KCNMA1: variants seen among roughly 807,000 people sequenced by gnomAD.
The protein encoded by KCNMA1 is potassium calcium-activated channel subfamily M alpha 1.
A neutral mutation model predicts 140.0 loss-of-function variants in KCNMA1; 29 were observed. The ratio of observed to expected loss-of-function variants is 0.21; its 90% CI spans 0.15 to 0.28. The LOEUF is 0.28. Among genes scored for constraint, KCNMA1 ranks in the 10% least tolerant of loss-of-function variants. The pLI, the probability that KCNMA1 is intolerant of heterozygous loss-of-function variation, is 1.00. For missense variants in KCNMA1, 880 were observed against 1,602.2 expected (o/e 0.55, Z 7.70); for synonymous variants, 612 against 611.9 (o/e 1.00, Z 0.00).
At chr10:76,890,456 A>G (rs2039482618) in intron 26 of KCNMA1, among the ~76,000 whole-genome samples, 1 of 152,212 alleles carries the variant, frequency 6.6e-6, no homozygotes, top group South Asian at 2.1e-4. Flanking sequence ...TCTTTATCCT[A>G]ATCAAGTGCA....
At chr10:77,215,906 C>CCTATCT in intron 3 of KCNMA1, among the ~76,000 whole-genome samples, 1 of 139,102 alleles carries the variant, frequency 7.2e-6, no homozygotes, top group African/African-American at 2.7e-5. Context: ...TCTCCTCTCT[C>CCTATCT]CTCTCTCTCT....
At chr10:77,634,780 A>AAC (rs57378692) in intron 1 of KCNMA1, 8,324 of 153,956 alleles carry the variant, frequency 0.054, 219 homozygotes, top group East Asian at 0.12. Flanking sequence ...AAAAAAGACA[A>AAC]ACACACACAC....
At chr10:77,634,113 C>A in intron 1 of KCNMA1, 1 of 980,926 alleles carries the variant, frequency 1.0e-6, no homozygotes. Flanking sequence ...GGTTAAATAA[C>A]TTCTTCAAAG....
rs559684668 is a variant in KCNMA1 at position 77,143,887 on chromosome 10, T to C, written c.809-22839A>G. On this transcript the variant is annotated intron_variant, in intron 5 of 27. Coordinates refer to ENST00000286628, the MANE Select transcript of KCNMA1 (RefSeq NM_001161352.2). The stretch of plus-strand genomic sequence containing the variant: ...AACTACAACAAGATGGCACCACAAA[T>C]CCATTAGAATGGCTAAAATTTAAAA... Among the ~76,000 whole-genome samples, 4 of 152,172 alleles carry C rather than the reference T, an allele frequency of 2.6e-5. No homozygotes were observed. In the South Asian group the frequency reaches 8.3e-4, roughly 32 times the overall value.
At chr10:77,096,449 A>G (rs2096934702) in intron 9 of KCNMA1, among the ~76,000 whole-genome samples, 1 of 152,006 alleles carries the variant, frequency 6.6e-6, no homozygotes, top group Admixed American at 6.6e-5. Flanking sequence ...ACTGCCCCCA[A>G]CCATTCCCAC....
chr10:77,371,336 A>G (rs902470171), intron 2 of KCNMA1, among the ~76,000 whole-genome samples: 3 of 152,024 alleles, frequency 2.0e-5, no homozygotes, highest in Non-Finnish European at 2.9e-5. Flanking sequence ...TTCCTGTGCC[A>G]TCTTCCCCTG....
At chr10:77,512,377 A>G (rs2048715124) in intron 1 of KCNMA1, among the ~76,000 whole-genome samples, 1 of 152,246 alleles carries the variant, frequency 6.6e-6, no homozygotes, top group Non-Finnish European at 1.5e-5. Context: ...GACAGAGCAC[A>G]GTCACATGAC....
chr10:77,637,545 T>G lies in KCNMA1; in HGVS notation c.98A>C (p.His33Pro). ...LRMSSNIHAN[H>P]LSLDASSSSS... ...GGAGGAGGACGCGTCTAGGCTGAGATGGTTCGCGTGGATATTGCTACTCAT... is the reference window on the plus strand; with the variant it reads ...GGAGGAGGACGCGTCTAGGCTGAGAGGGTTCGCGTGGATATTGCTACTCAT... The change falls in exon 1 of 28, where the codon CAT becomes CCT. Residue 33 changes from histidine (H) to proline (P), a missense_variant. Around this residue, in one of 13 missense-constraint regions of KCNMA1, gnomAD observed 94 missense variants for 92.4 expected, o/e 1.02. Coordinates refer to ENST00000286628, the MANE Select transcript of KCNMA1 (RefSeq NM_001161352.2). 1 of 1,544,890 alleles carries G rather than the reference T, an allele frequency of 6.5e-7. No individual in the cohort carries two copies. The highest frequency in any genetic ancestry group is 8.8e-7 in the Non-Finnish European group (1 of 1,142,462).
chr10:76,953,399 G>A (rs566991084), intron 21 of KCNMA1, among the ~76,000 whole-genome samples: 2 of 152,158 alleles, frequency 1.3e-5, no homozygotes, highest in South Asian at 4.2e-4. Flanking sequence ...TATGAGTTAG[G>A]GTCATTCTCA....
intron 7 of KCNMA1, among the ~76,000 whole-genome samples, chr10:77,112,071 T>G (rs1046979726): frequency 2.0e-5 from 3 of 152,186 alleles, no homozygotes. Context: ...ACTGCCATCT[T>G]GTGGCTTACT....
intron 1 of KCNMA1, among the ~76,000 whole-genome samples, chr10:77,487,468 G>A (rs888407289): frequency 6.6e-6 from 1 of 152,028 alleles, no homozygotes; most frequent in Admixed American, 6.6e-5. Context: ...CAATACAAAA[G>A]AGAGAGAGAG....
intron 1 of KCNMA1, among the ~76,000 whole-genome samples, chr10:77,524,120 A>C (rs2154551478): frequency 6.6e-6 from 1 of 152,326 alleles, no homozygotes; most frequent in East Asian, 1.9e-4. Flanking sequence ...AAGCTTTTTT[A>C]AAATAAATGA....
chr10:77,635,219 G>A (rs2093623159), intron 1 of KCNMA1: 1 of 152,162 alleles, frequency 6.6e-6, no homozygotes. Context: ...GAGATCCTTT[G>A]TGTGTGCGAT....
rs554383381 is a variant in KCNMA1, at chr10:77,263,395, T to G, written c.541-12139A>C. On this transcript the variant is annotated intron_variant, in intron 2 of 27. Coordinates refer to ENST00000286628, the MANE Select transcript of KCNMA1 (RefSeq NM_001161352.2). ...AAGTCCAAGATATAATTAGGAACTT[T>G]AAAAGAGTGTTCCCTTCATCCTATA... Among the ~76,000 whole-genome samples the G allele has an allele frequency of 3.9e-5, 6 of 152,270 alleles. No homozygotes were observed. The South Asian group carries it at 1.0e-3, about 26-fold the overall frequency.
At chr10:77,425,220 T>C (rs1462482566) in intron 1 of KCNMA1, among the ~76,000 whole-genome samples, 1 of 152,124 alleles carries the variant, frequency 6.6e-6, no homozygotes, top group Non-Finnish European at 1.5e-5. Flanking sequence ...TATAAACACA[T>C]TGCCCCGATT....
At chr10:77,382,992 G>GTATATATATA (rs1227873900) in intron 2 of KCNMA1, among the ~76,000 whole-genome samples, 1 of 44,486 alleles carries the variant, frequency 2.2e-5, no homozygotes, top group African/African-American at 1.3e-4. Context: ...GTGTGTGTGT[G>GTATATATATA]TGTATATATA....
chr10:77,109,071 A>C (rs902168649), intron 8 of KCNMA1, among the ~76,000 whole-genome samples: 3 of 151,838 alleles, frequency 2.0e-5, no homozygotes, highest in African/African-American at 7.2e-5. Context: ...AAAAAAAAAA[A>C]CACTGAAAAG....
At chr10:77,004,500 C>A (rs1212245876) in intron 18 of KCNMA1, among the ~76,000 whole-genome samples, 1 of 152,194 alleles carries the variant, frequency 6.6e-6, no homozygotes, top group African/African-American at 2.4e-5. Flanking sequence ...TCTGGTGGAG[C>A]GATTCATCAG....
chr10:77,447,375 C>A (rs2097548209), intron 1 of KCNMA1, among the ~76,000 whole-genome samples: 1 of 152,234 alleles, frequency 6.6e-6, no homozygotes, highest in Non-Finnish European at 1.5e-5. Flanking sequence ...TGGTCTCCAC[C>A]AGTACCCATC....
Sources: allele counts gnomAD v4.1 joint callset (sites outside exome capture counted in the v4.1 genomes callset), GRCh38; gene constraint gnomAD v4.1.1; regional missense constraint gnomAD v4.1.1; transcripts MANE v1.5; gene names NCBI Gene and HGNC (gene_info 2026-07-23, HGNC 2026-07-21).